The following ARAP2 variants were observed in gnomAD, a reference collection of about 807,000 sequenced individuals.
The protein encoded by ARAP2 is ArfGAP with RhoGAP domain, ankyrin repeat and PH domain 2, also known as arf-GAP with Rho-GAP domain, ANK repeat and PH domain-containing protein 2.
In ARAP2, 148 loss-of-function variants were observed where a neutral mutation model predicts 194.5. The observed-to-expected ratio is 0.76, with a 90% CI of 0.67 to 0.87. ARAP2 has a LOEUF of 0.87. ARAP2 is among the 40% of genes least tolerant of loss of function. ARAP2 has a pLI of 0.00. For synonymous variants in ARAP2, 695 were observed against 683.5 expected (o/e 1.02, Z -0.26); for missense variants, 2,128 against 1,989.7 (o/e 1.07, Z -1.32).
intron 11 of ARAP2, among the ~76,000 whole-genome samples, chr4:36,164,571 G>A (rs1734835464): frequency 6.6e-6 from 1 of 152,148 alleles, no homozygotes; most frequent in African/African-American, 2.4e-5. Flanking sequence ...AAAATGACTG[G>A]GGAAAGGTGG....
intron 8 of ARAP2, among the ~76,000 whole-genome samples, chr4:36,185,463 C>CAAAG (rs1740313972): frequency 1.3e-5 from 2 of 152,030 alleles, no homozygotes; most frequent in Non-Finnish European, 2.9e-5. Context: ...CAAAGCTGCT[C>CAAAG]CAGTGTGAAG....
At chr4:36,082,326 T>G in intron 29 of ARAP2, 40 bp from the exon 30 acceptor site, 1 of 1,572,190 alleles carries the variant, frequency 6.4e-7, no homozygotes, top group Non-Finnish European at 8.7e-7. Flanking sequence ...AAATTAAAAA[T>G]AATACATTTT....
chr4:36,019,411 C>G (rs1351773082), intron 5 of ARAP2: 1 of 149,348 alleles, frequency 6.7e-6, no homozygotes, highest in East Asian at 1.9e-4. Context: ...AGGCATAGTT[C>G]AAATCTCACA....
Position 36,160,590 on chromosome 4 carries a change from G to A in ARAP2, c.2311C>T (p.Leu771Phe). The A allele has an allele frequency of 3.3e-6, 5 of 1,514,836 alleles. No individual in the cohort carries two copies. Among genetic ancestry groups the A allele is most frequent in the Non-Finnish European group, 3.5e-6 (4 of 1,141,678 alleles). 93.8% of individuals were successfully genotyped at this position (1,514,836 alleles called of 1,614,324 possible). ...ATATGTAATTCTTCATCCTTTTGAA[G>A]ATTACCAGCCCAAAAGTCATTTGCT... ...KRANDFWAGN[L>F]QKDEELHMDS... The change falls in exon 13 of 33, where the codon CTT becomes TTT. Residue 771 changes from leucine (L) to phenylalanine (F), a missense_variant. By Grantham distance (22) the Leu-to-Phe change is conservative. Coordinates refer to ENST00000303965, the MANE Select transcript of ARAP2 (RefSeq NM_015230.4).
intron 6 of ARAP2, among the ~76,000 whole-genome samples, chr4:36,208,457 C>G (rs1165007464): frequency 1.3e-5 from 2 of 152,224 alleles, no homozygotes; most frequent in East Asian, 1.9e-4. Context: ...TGACCCTTTA[C>G]AGAAAAAGTT....
intron 9 of ARAP2, among the ~76,000 whole-genome samples, chr4:36,171,740 G>T (rs989270572): frequency 6.6e-6 from 1 of 151,938 alleles, no homozygotes; most frequent in Non-Finnish European, 1.5e-5. Flanking sequence ...GCTAGCTCTT[G>T]TTATTATTAT....
At chr4:36,052,944 T>A (rs1722925207) in intron 2 of ARAP2, among the ~76,000 whole-genome samples, 1 of 152,178 alleles carries the variant, frequency 6.6e-6, no homozygotes, top group Admixed American at 6.5e-5. Flanking sequence ...TTCATCTTAT[T>A]TCTATCCATT....
chr4:36,229,216 T>C lies in ARAP2; in HGVS notation c.271A>G (p.Lys91Glu), dbSNP rs1009977209. The C allele has an allele frequency of 1.2e-5, 19 of 1,614,020 alleles. No homozygotes were observed. The highest frequency in any genetic ancestry group is 5.3e-5 in the African/African-American group (4 of 74,940). ...HKTKKNDDPS[K>E]DYHVPSSDQN... ...TCAGAAGATGGAACATGGTAATCCTTTGAAGGGTCATCATTCTTCTTAGTT... is the reference window on the plus strand; with the variant it reads ...TCAGAAGATGGAACATGGTAATCCTCTGAAGGGTCATCATTCTTCTTAGTT... The change falls in exon 2 of 33, where the codon AAG becomes GAG. Residue 91 changes from lysine to glutamate, a missense_variant. By Grantham distance (56) the Lys-to-Glu change is moderately conservative. Coordinates refer to ENST00000303965, the MANE Select transcript of ARAP2 (RefSeq NM_015230.4).
intron 9 of ARAP2, among the ~76,000 whole-genome samples, chr4:36,010,208 T>G (rs1234488818): frequency 6.6e-6 from 1 of 151,230 alleles, no homozygotes; most frequent in Non-Finnish European, 1.5e-5. Flanking sequence ...ATATATTGTA[T>G]TTTATATATT....
chr4:36,136,155 A>G (rs1167930413), intron 19 of ARAP2, among the ~76,000 whole-genome samples: 1 of 151,856 alleles, frequency 6.6e-6, no homozygotes, highest in Non-Finnish European at 1.5e-5. Context: ...ACACTGAATA[A>G]AGCATCGAAA....
At chr4:36,218,508 G>A (rs577848264) in intron 2 of ARAP2, among the ~76,000 whole-genome samples, 22 of 151,986 alleles carry the variant, frequency 1.4e-4, no homozygotes, top group African/African-American at 2.2e-4. Context: ...AGGAAAGTAT[G>A]GTCTTTTGAA....
chr4:36,126,468 A>G (rs931595119), intron 21 of ARAP2, among the ~76,000 whole-genome samples: 6 of 152,004 alleles, frequency 3.9e-5, no homozygotes, highest in East Asian at 1.9e-4. Flanking sequence ...CAGTCCTCCT[A>G]GAAGAACAGA....
At chr4:36,214,629 T>G (rs1478436275) in intron 2 of ARAP2, 149 bp from the exon 3 acceptor site, 3 of 445,716 alleles carry the variant, frequency 6.7e-6, no homozygotes, top group Non-Finnish European at 7.4e-6. Context: ...TTCTTTTGGG[T>G]AGAAAAAACA....
At position 36,151,047 on chromosome 4, in the gene ARAP2, A is replaced by G; in HGVS notation, c.2753-3T>C. On this transcript the variant is annotated splice_region_variant and splice_polypyrimidine_tract_variant and intron_variant, in intron 15 of 32. Transcript: ENST00000303965. ...AACACACCATTTTTTATTTGTCTCTAAGAATTTGAAACAAAACAAATAACA... is the reference window on the plus strand; with the variant it reads ...AACACACCATTTTTTATTTGTCTCTGAGAATTTGAAACAAAACAAATAACA... 6.3e-7 allele frequency: 1 copy of G among 1,583,684 alleles called. No homozygotes were observed. The highest frequency in any genetic ancestry group is 8.5e-7 in the Non-Finnish European group (1 of 1,170,472).
In ARAP2 at chr4:36,166,940, C is replaced by T; in HGVS notation, c.1965G>A (p.Arg655=). Residue 655 remains arginine (R), a synonymous_variant, in exon 10 of 33, where the codon AGG becomes AGA. Coordinates refer to ENST00000303965, the MANE Select transcript of ARAP2 (RefSeq NM_015230.4). The part of the protein sequence containing the change: ...KQSFEIITPY[R]SFSFTAETEK... ...GTTTAAAAATAGCTTACCTGAAACTCCTGTAGGGAGTGATTATTTCAAAAG... is the reference window on the plus strand; with the variant it reads ...GTTTAAAAATAGCTTACCTGAAACTTCTGTAGGGAGTGATTATTTCAAAAG... The T allele has an allele frequency of 1.3e-6, 2 of 1,593,548 alleles. No individual in the cohort carries two copies. The highest frequency in any genetic ancestry group is 1.1e-5 in the South Asian group (1 of 87,418).
At chr4:36,203,173 C>T (rs1744785182) in intron 6 of ARAP2, among the ~76,000 whole-genome samples, 1 of 152,166 alleles carries the variant, frequency 6.6e-6, no homozygotes, top group African/African-American at 2.4e-5. Context: ...GAGAATAAAA[C>T]AGGAGGTTTT....
rs950332007 is a variant in ARAP2, at chr4:36,109,140, C to T, written c.4157-1447G>A. Among the ~76,000 whole-genome samples, 9 of 151,906 alleles carry T rather than the reference C, an allele frequency of 5.9e-5. 1 individual carries two copies. Among genetic ancestry groups the T allele is most frequent in the Non-Finnish European group, 1.3e-4 (9 of 67,908 alleles). ...ATGAACATATCATATCAGAAGTCAT[C>T]AACAATTCCTAGTTTCAGATAAGAA... On this transcript the variant is annotated intron_variant, in intron 26 of 32. Transcript: ENST00000303965.
intron 2 of ARAP2, among the ~76,000 whole-genome samples, chr4:36,227,906 A>G (rs1050626274): frequency 1.3e-5 from 2 of 152,188 alleles, no homozygotes; most frequent in Non-Finnish European, 2.9e-5. Flanking sequence ...CTGTTTAGGT[A>G]ATCCTCCTGT....
intron 10 of ARAP2, chr4:36,005,527 C>T (rs762502979): frequency 6.6e-6 from 1 of 151,984 alleles, no homozygotes; most frequent in Non-Finnish European, 1.5e-5. Flanking sequence ...GTACAATACA[C>T]CTAAATAGAA....
Sources: gnomAD v4.1 joint callset for allele counts (sites outside exome capture counted in the v4.1 genomes callset) on GRCh38, gnomAD v4.1.1 for gene constraint, MANE v1.5 for transcripts, NCBI Gene and HGNC (gene_info 2026-07-23, HGNC 2026-07-21) for gene names.